Variants in EXOC5 observed in about 807,000 individuals in gnomAD.
EXOC5 encodes SEC10-like 1.
A neutral mutation model predicts 90.8 loss-of-function variants in EXOC5; 17 were observed. That is an observed-to-expected ratio of 0.19 (90% CI 0.13 to 0.28). The LOEUF is 0.28. EXOC5 is among the 10% of genes least tolerant of loss of function. The pLI, the probability that EXOC5 is intolerant of heterozygous loss-of-function variation, is 1.00. For synonymous variants in EXOC5, 260 were observed against 270.0 expected (o/e 0.96, Z 0.36); for missense variants, 569 against 830.6 (o/e 0.69, Z 3.87).
chr14:57,253,746 A>C (rs6573139), intron 1 of EXOC5, among the ~76,000 whole-genome samples: 39,598 of 152,186 alleles, frequency 0.26, 12,665 homozygotes, highest in African/African-American at 0.76. Flanking sequence ...GGTGCCAAGA[A>C]CATTCAAAAC....
rs1002723066 is a variant in EXOC5 at position 57,211,993 on chromosome 14, G to A, written c.1614-1932C>T. The stretch of plus-strand genomic sequence containing the variant: ...ACCTACCTCAGCCTCCTGAGTAGCT[G>A]GGACTACAGGCACATGCCAGAACAC... On this transcript the variant is annotated intron_variant, in intron 15 of 17. Coordinates refer to ENST00000621441, the MANE Select transcript of EXOC5 (RefSeq NM_006544.4). Among the ~76,000 whole-genome samples, 5 of 152,172 alleles carry A rather than the reference G, an allele frequency of 3.3e-5. No individual in the cohort carries two copies. The South Asian group carries it at 1.0e-3, about 32-fold the overall frequency.
intron 1 of EXOC5, among the ~76,000 whole-genome samples, chr14:57,264,350 T>A (rs1167753901): frequency 6.6e-6 from 1 of 152,206 alleles, no homozygotes; most frequent in Non-Finnish European, 1.5e-5. Context: ...TTTAACTAGC[T>A]TTTGTAATTT....
intron 5 of EXOC5, among the ~76,000 whole-genome samples, chr14:57,239,225 A>C (rs1252504006): frequency 6.6e-6 from 1 of 152,186 alleles, no homozygotes; most frequent in Non-Finnish European, 1.5e-5. Context: ...AAGAACCTTC[A>C]TCAGGAAATA....
At position 57,239,163 on chromosome 14, in the gene EXOC5, A is replaced by G. The variant is rs559606289; in HGVS notation, c.530+432T>C. On this transcript the variant is annotated intron_variant, in intron 5 of 17. Coordinates refer to ENST00000621441, the MANE Select transcript of EXOC5 (RefSeq NM_006544.4). ...GTGTGTATCTTAATTTCCTGAAGAAAGGTGATAGCGTTCATCAGCTTTTCA... is the reference window on the plus strand; with the variant it reads ...GTGTGTATCTTAATTTCCTGAAGAAGGGTGATAGCGTTCATCAGCTTTTCA... 2.0e-3 allele frequency among the ~76,000 whole-genome samples: 305 copies of G among 152,324 alleles called. 1 individual carries two copies. The highest frequency in any genetic ancestry group is 3.4e-3 in the Middle Eastern group (1 of 294).
chr14:57,265,660 G>C (rs1356551430), intron 1 of EXOC5, among the ~76,000 whole-genome samples: 1 of 152,212 alleles, frequency 6.6e-6, no homozygotes, highest in African/African-American at 2.4e-5. Context: ...GGAGGGTAGA[G>C]GCTGCAGCGA....
In EXOC5 at chr14:57,219,369, A is replaced by G; in HGVS notation, c.1479T>C (p.Phe493=). Residue 493 remains phenylalanine, a synonymous_variant, in exon 14 of 18, where the codon TTT becomes TTC. Coordinates refer to ENST00000621441, the MANE Select transcript of EXOC5 (RefSeq NM_006544.4). ...CATTAAACTGTTTGTCAAAAAGATG[A>G]AAAATAGTATTGGCCTGTTGCACAA... The part of the protein sequence containing the change: ...LDVVQQANTI[F]HLFDKQFNDH... 6.5e-7 allele frequency: 1 copy of G among 1,541,848 alleles called. No homozygotes were observed. Among genetic ancestry groups the G allele is most frequent in the East Asian group, 2.3e-5 (1 of 42,924 alleles).
At chr14:57,255,520 G>A (rs1230674749) in intron 1 of EXOC5, among the ~76,000 whole-genome samples, 1 of 151,990 alleles carries the variant, frequency 6.6e-6, no homozygotes, top group Non-Finnish European at 1.5e-5. Flanking sequence ...GACTAACAGA[G>A]CACTGGAACA....
chr14:57,245,517 C>CTAT (rs1393368337), intron 3 of EXOC5, among the ~76,000 whole-genome samples: 1 of 152,040 alleles, frequency 6.6e-6, no homozygotes, highest in Non-Finnish European at 1.5e-5. Flanking sequence ...ATTAGCTTAA[C>CTAT]TATTATTATT....
chr14:57,268,688 C>G lies in EXOC5; in HGVS notation c.-40G>C. The G allele has an allele frequency of 6.4e-7, 1 of 1,567,290 alleles. No individual in the cohort carries two copies. Among genetic ancestry groups the G allele is most frequent in the Non-Finnish European group, 8.6e-7 (1 of 1,166,150 alleles). The stretch of plus-strand genomic sequence containing the variant: ...AGGCTCGCCCCCCACTGGATGCCGT[C>G]TCCGCTTCACATGCTGCGCCTCAGA... On this transcript the variant is annotated 5_prime_UTR_variant, in exon 1 of 18. Transcript: ENST00000621441.
Position 57,268,658 on chromosome 14 carries a change from C to G in EXOC5, c.-10G>C. The G allele has an allele frequency of 6.3e-7, 1 of 1,585,458 alleles. No individual in the cohort carries two copies. The highest frequency in any genetic ancestry group is 8.5e-7 in the Non-Finnish European group (1 of 1,173,414). On this transcript the variant is annotated 5_prime_UTR_variant, in exon 1 of 18. Transcript: ENST00000621441. ...CGGCCGTGGTAGCCATCCCGGCCGG[C>G]TGAGAGGCTCGCCCCCCACTGGATG...
At chr14:57,232,876 G>A (rs2139636894) in intron 9 of EXOC5, 127 bp from the exon 10 acceptor site, 1 of 519,814 alleles carries the variant, frequency 1.9e-6, no homozygotes, top group African/African-American at 2.0e-5. Context: ...CAATCAAAAA[G>A]GCAATTACAG....
At position 57,238,373 on chromosome 14, in the gene EXOC5, T is replaced by TACACAC. The variant is rs1353864854; in HGVS notation, c.531-1008_531-1007insGTGTGT. Reference sequence around the variant, plus strand: ...ACATATATATATATATATATATATATATACACACACACACACACACACACA... The same window carrying TACACAC: ...ACATATATATATATATATATATATATACACACATACACACACACACACACACACACA... On this transcript the variant is annotated intron_variant, in intron 5 of 17. Coordinates refer to ENST00000621441, the MANE Select transcript of EXOC5 (RefSeq NM_006544.4). Among the ~76,000 whole-genome samples, 447 of 79,878 alleles carry TACACAC rather than the reference T, an allele frequency of 5.6e-3. 3 individuals are homozygous for TACACAC. The highest frequency in any genetic ancestry group is 0.014 in the Middle Eastern group (2 of 148). The allele number at this position is 79,878 out of a possible 152,430, so 52.4% of individuals were successfully genotyped here. A position where few individuals can be genotyped will look rare whatever the true frequency, so the allele number is the denominator to read the frequency against.
chr14:57,231,636 A>G lies in EXOC5; in HGVS notation c.1018T>C (p.Ser340Pro), dbSNP rs1883488755. 6.2e-7 allele frequency: 1 copy of G among 1,613,138 alleles called. No homozygotes were observed. Among genetic ancestry groups the G allele is most frequent in the African/African-American group, 1.3e-5 (1 of 74,906 alleles). Reference protein sequence around the residue: ...KQTFLSKLIKSIFISYLENYI... With the variant: ...KQTFLSKLIKPIFISYLENYI... ...TTCTCCAAATAGGAAATGAAAATGG[A>G]TTTGATAAGCTTAGACAAGAAAGTC... The change falls in exon 11 of 18, where the codon TCC becomes CCC. Residue 340 changes from serine (S) to proline (P), a missense_variant. Around this residue, in one of 9 missense-constraint regions of EXOC5, gnomAD observed 69 missense variants for 115.5 expected, o/e 0.60. Transcript: ENST00000621441.
Position 57,220,847 on chromosome 14 carries a change from C to T in EXOC5, c.1406-1405G>A, listed in dbSNP as rs1295093407. On this transcript the variant is annotated intron_variant, in intron 13 of 17. Transcript: ENST00000621441. ...GCATATCAAAATTATTATATATACA[C>T]ACTTTTTTTAATTTTTTAGTCCCTT... 4.6e-5 allele frequency among the ~76,000 whole-genome samples: 7 copies of T among 152,086 alleles called. No individual in the cohort carries two copies. In the East Asian group the frequency reaches 1.4e-3, roughly 29 times the overall value.
At position 57,231,490 on chromosome 14, in the gene EXOC5, TAAC is replaced by T. The variant is rs779759923; in HGVS notation, c.1148+13_1148+15del. 1 of 1,569,586 alleles carries T rather than the reference TAAC, an allele frequency of 6.4e-7. No homozygotes were observed. The highest frequency in any genetic ancestry group is 1.4e-5 in the African/African-American group (1 of 73,304). Reference sequence around the variant, plus strand: ...TGTCTTCAGTTTTAACAGAAGTATTTAACAAAAATACTCACCCTCCTGTGCCAA... The same window carrying T: ...TGTCTTCAGTTTTAACAGAAGTATTTAAAAATACTCACCCTCCTGTGCCAA... On this transcript the variant is annotated intron_variant, in intron 11 of 17. Coordinates refer to ENST00000621441, the MANE Select transcript of EXOC5 (RefSeq NM_006544.4).
intron 2 of EXOC5, 70 bp downstream of exon 2, chr14:57,247,548 C>G: frequency 4.6e-6 from 3 of 655,772 alleles, no homozygotes; most frequent in Non-Finnish European, 7.7e-6. Flanking sequence ...GCAATCTCAA[C>G]AGTCATCTCT....
At chr14:57,213,667 T>A (rs937610443) in intron 15 of EXOC5, among the ~76,000 whole-genome samples, 26 of 151,574 alleles carry the variant, frequency 1.7e-4, no homozygotes, top group Admixed American at 7.9e-4. Flanking sequence ...ACAAAAAAAA[T>A]TTTTTTTTAA....
chr14:57,218,014 T>G lies in EXOC5; in HGVS notation c.1581A>C (p.Gln527His). ...CLQKKKEIIE[Q>H]MEMKLDTGID... is the part of the protein sequence containing the mutation. ...TGCCAGTATCCAATTTCATCTCCAT[T>G]TGTTCAATTATTTCTTTTTTCTTCT... Residue 527 changes from glutamine (Q) to histidine (H), a missense_variant, in exon 15 of 18, where the codon CAA becomes CAC. Around this residue, in one of 9 missense-constraint regions of EXOC5, gnomAD observed 34 missense variants for 101.1 expected, o/e 0.34. Transcript: ENST00000621441. 1.3e-6 allele frequency: 2 copies of G among 1,581,980 alleles called. No homozygotes were observed. Among genetic ancestry groups the G allele is most frequent in the Non-Finnish European group, 1.7e-6 (2 of 1,152,748 alleles).
At chr14:57,229,702 T>C (rs752839174) in intron 12 of EXOC5, 32 bp downstream of exon 12, 3 of 1,418,154 alleles carry the variant, frequency 2.1e-6, no homozygotes, top group Non-Finnish European at 2.8e-6. Flanking sequence ...GGAACAACTG[T>C]ATATGTAAAA....
Sources: allele counts gnomAD v4.1 joint callset (sites outside exome capture counted in the v4.1 genomes callset), GRCh38; gene constraint gnomAD v4.1.1; regional missense constraint gnomAD v4.1.1; transcripts MANE v1.5; gene names NCBI Gene and HGNC (gene_info 2026-07-23, HGNC 2026-07-21).